Variants in STK31 observed in about 807,000 individuals in gnomAD.
The protein encoded by STK31 is serine/threonine kinase 31, also known as serine/threonine-protein kinase 31.
In STK31, 89 loss-of-function variants were observed where a neutral mutation model predicts 129.7. The observed-to-expected ratio is 0.69, with a 90% CI of 0.58 to 0.82. STK31 has a LOEUF of 0.82. STK31 is among the 40% of genes least tolerant of loss of function. The pLI, the probability that STK31 is intolerant of heterozygous loss-of-function variation, is 0.00. For missense variants in STK31, 1,187 were observed against 1,176.4 expected (o/e 1.01, Z -0.13); for synonymous variants, 448 against 395.3 (o/e 1.13, Z -1.58).
At chr7:23,762,705 ATAAAGT>A (rs1166896872) in intron 10 of STK31, 90 bp from the exon 11 acceptor site, 2 of 1,440,360 alleles carry the variant, frequency 1.4e-6, no homozygotes, top group East Asian at 4.8e-5. Flanking sequence ...TTTGGAGAAT[ATAAAGT>A]TAATTTTGGA....
At chr7:23,783,850 A>T (rs1162820155) in intron 17 of STK31, among the ~76,000 whole-genome samples, 187 bp downstream of exon 17, 1 of 152,176 alleles carries the variant, frequency 6.6e-6, no homozygotes, top group Non-Finnish European at 1.5e-5. Flanking sequence ...TTGTATTTTT[A>T]TGTAAATTTG....
At chr7:23,790,620 A>G (rs1338895586) in intron 21 of STK31, among the ~76,000 whole-genome samples, 1 of 152,192 alleles carries the variant, frequency 6.6e-6, no homozygotes, top group Non-Finnish European at 1.5e-5. Context: ...TACAAAGTGA[A>G]TGTAAAAAAA....
At chr7:23,800,558 T>C (rs951364087) in intron 22 of STK31, among the ~76,000 whole-genome samples, 4 of 151,252 alleles carry the variant, frequency 2.6e-5, no homozygotes, top group Non-Finnish European at 4.4e-5. Context: ...TGAGAACATA[T>C]GGACACAGGG....
chr7:23,762,944 A>G (rs772119425), intron 11 of STK31, 21 bp downstream of exon 11: 10 of 1,521,218 alleles, frequency 6.6e-6, no homozygotes, highest in Non-Finnish European at 6.2e-6. Context: ...AAAATATATT[A>G]AATATACGTT....
chr7:23,742,582 T>C (rs990128066), intron 8 of STK31, among the ~76,000 whole-genome samples: 4 of 152,214 alleles, frequency 2.6e-5, no homozygotes, highest in African/African-American at 9.6e-5. Flanking sequence ...ATAGCCAATG[T>C]TGTAAATGCT....
intron 17 of STK31, 144 bp from the exon 18 acceptor site, chr7:23,785,334 G>A: frequency 1.7e-6 from 2 of 1,172,586 alleles, no homozygotes; most frequent in Non-Finnish European, 2.3e-6. Context: ...AAAGTACACA[G>A]TTTTAAAGAT....
intron 3 of STK31, among the ~76,000 whole-genome samples, chr7:23,716,366 A>G (rs954778173): frequency 3.9e-5 from 6 of 152,142 alleles, no homozygotes; most frequent in African/African-American, 1.4e-4. Context: ...GATAACCTTG[A>G]TTCACTTGGG....
chr7:23,741,099 C>T (rs1788030460), intron 8 of STK31, among the ~76,000 whole-genome samples: 1 of 151,930 alleles, frequency 6.6e-6, no homozygotes, highest in South Asian at 2.1e-4. Context: ...TTTTTGATGC[C>T]CATCTTATAC....
At chr7:23,791,617 A>G (rs969833132) in intron 22 of STK31, among the ~76,000 whole-genome samples, 9 of 152,326 alleles carry the variant, frequency 5.9e-5, no homozygotes, top group African/African-American at 2.2e-4. Context: ...TGAACCTAAA[A>G]TAAAAGTTGG....
At chr7:23,823,058 T>C (rs2128130829) in intron 23 of STK31, among the ~76,000 whole-genome samples, 1 of 152,298 alleles carries the variant, frequency 6.6e-6, no homozygotes, top group Middle Eastern at 3.4e-3. Context: ...AATAAACGTA[T>C]GTGTGCATGT....
chr7:23,746,170 G>A (rs939570601), intron 8 of STK31, among the ~76,000 whole-genome samples: 2 of 152,128 alleles, frequency 1.3e-5, no homozygotes, highest in African/African-American at 2.4e-5. Context: ...GGATTGGGGG[G>A]TGGGTGTATG....
chr7:23,813,785 AG>A (rs1390504618), intron 22 of STK31, among the ~76,000 whole-genome samples: 1 of 152,158 alleles, frequency 6.6e-6, no homozygotes, highest in African/African-American at 2.4e-5. Flanking sequence ...TAGTTGTGGC[AG>A]GATCTCTCCT....
At chr7:23,821,002 G>T (rs964527762) in intron 23 of STK31, among the ~76,000 whole-genome samples, 1 of 151,440 alleles carries the variant, frequency 6.6e-6, no homozygotes, top group Non-Finnish European at 1.5e-5. Flanking sequence ...TAAACATGGG[G>T]GTGCAGGTTT....
intron 23 of STK31, among the ~76,000 whole-genome samples, chr7:23,830,210 C>T (rs1227533988): frequency 6.6e-6 from 1 of 152,046 alleles, no homozygotes; most frequent in Non-Finnish European, 1.5e-5. Flanking sequence ...TTTAGTACAG[C>T]TAGCAGTTTA....
At chr7:23,795,267 G>T (rs1791884952) in intron 22 of STK31, among the ~76,000 whole-genome samples, 1 of 152,218 alleles carries the variant, frequency 6.6e-6, no homozygotes, top group Non-Finnish European at 1.5e-5. Flanking sequence ...AGGGGCCAAG[G>T]TACAGCTCAG....
intron 23 of STK31, 129 bp from the exon 24 acceptor site, chr7:23,832,007 A>T: frequency 1.5e-6 from 1 of 647,646 alleles, no homozygotes; most frequent in East Asian, 2.7e-5. Context: ...GGAGTACCAG[A>T]TACCTCGTCA....
chr7:23,799,727 A>C (rs1325270441), intron 22 of STK31, among the ~76,000 whole-genome samples: 1 of 152,236 alleles, frequency 6.6e-6, no homozygotes, highest in Non-Finnish European at 1.5e-5. Flanking sequence ...ACAAATGCCA[A>C]AATTGACAAA....
Position 23,772,190 on chromosome 7 carries a change from T to C in STK31, c.1877T>C (p.Val626Ala). The C allele has an allele frequency of 6.2e-7, 1 of 1,604,154 alleles. No homozygotes were observed. Among genetic ancestry groups the C allele is most frequent in the Non-Finnish European group, 8.5e-7 (1 of 1,175,038 alleles). The change falls in exon 15 of 24, where the codon GTG becomes GCG. Residue 626 changes from valine to alanine, a missense_variant. Coordinates refer to ENST00000355870, the MANE Select transcript of STK31 (RefSeq NM_031414.5). ...GAATATTTAAATAAGAGTCCCAGTG[T>C]GGATCACTTGCTATCCATTAAGAAG... ...LIEYLNKSPS[V>A]DHLLSIKKTL...
chr7:23,828,981 C>A (rs1198095565), intron 23 of STK31, among the ~76,000 whole-genome samples: 1 of 151,870 alleles, frequency 6.6e-6, no homozygotes, highest in African/African-American at 2.4e-5. Context: ...CGCGCTGCAA[C>A]CTCCACCTCC....
Sources: gnomAD v4.1 joint callset for allele counts (sites outside exome capture counted in the v4.1 genomes callset) on GRCh38, gnomAD v4.1.1 for gene constraint, MANE v1.5 for transcripts, NCBI Gene and HGNC (gene_info 2026-07-23, HGNC 2026-07-21) for gene names.